ANKRD44: variants seen among roughly 807,000 people sequenced by gnomAD.
ANKRD44 encodes ankyrin repeat domain 44.
In ANKRD44, 35 loss-of-function variants were observed where a neutral mutation model predicts 116.0. The observed-to-expected ratio is 0.30, with a 90% CI of 0.23 to 0.40. The LOEUF is 0.40. Among genes scored for constraint, ANKRD44 ranks in the 10% least tolerant of loss-of-function variants. The pLI is 1.00. For synonymous variants in ANKRD44, 435 were observed against 461.8 expected (o/e 0.94, Z 0.74); for missense variants, 1,014 against 1,242.6 (o/e 0.82, Z 2.77).
At chr2:197,289,578 G>C (rs889945558) in intron 1 of ANKRD44, among the ~76,000 whole-genome samples, 1 of 152,118 alleles carries the variant, frequency 6.6e-6, no homozygotes, top group Admixed American at 6.6e-5. Context: ...AAACATGAAC[G>C]AATCTCAAAA....
intron 21 of ANKRD44, among the ~76,000 whole-genome samples, chr2:196,971,888 G>C (rs2075718249): frequency 6.6e-6 from 1 of 152,140 alleles, no homozygotes. Context: ...TACCCAAGAT[G>C]ATGAAATAGC....
chr2:197,164,138 C>T (rs913395330), intron 2 of ANKRD44, among the ~76,000 whole-genome samples: 9 of 152,232 alleles, frequency 5.9e-5, no homozygotes, highest in African/African-American at 2.2e-4. Context: ...TGTCGCTGGG[C>T]TAGAACCAGA....
In ANKRD44 at chr2:196,988,692, C is replaced by T; in HGVS notation, c.*899G>A. On this transcript the variant is annotated 3_prime_UTR_variant, in exon 28 of 28. Coordinates refer to ENST00000282272, the MANE Select transcript of ANKRD44 (RefSeq NM_001195144.2). The stretch of plus-strand genomic sequence containing the variant: ...CAATTTCCAGGGTGGAAATGGAACT[C>T]ATTATAAAACGTCAGAGAGTACTGC... 1.0e-6 allele frequency: 1 copy of T among 985,366 alleles called. No homozygotes were observed. The highest frequency in any genetic ancestry group is 4.7e-5 in the South Asian group (1 of 21,276). 61.0% of individuals were successfully genotyped at this position (985,366 alleles called of 1,614,324 possible). A position where few individuals can be genotyped will look rare whatever the true frequency, so the allele number is the denominator to read the frequency against.
intron 1 of ANKRD44, among the ~76,000 whole-genome samples, chr2:197,232,398 A>T (rs1304406313): frequency 1.3e-5 from 2 of 152,158 alleles, no homozygotes; most frequent in Non-Finnish European, 2.9e-5. Flanking sequence ...AGAGCCCCTT[A>T]ATGTCATGTC....
At chr2:197,204,607 C>G (rs1194046364) in intron 1 of ANKRD44, among the ~76,000 whole-genome samples, 1 of 152,116 alleles carries the variant, frequency 6.6e-6, no homozygotes, top group Non-Finnish European at 1.5e-5. Flanking sequence ...TTTGAGTTTT[C>G]AAGAGATGCC....
In ANKRD44 at chr2:196,987,365, C is replaced by G. The variant is rs983990999; in HGVS notation, c.*2226G>C. The G allele has an allele frequency of 3.2e-5, 32 of 984,830 alleles. No homozygotes were observed. Among genetic ancestry groups the G allele is most frequent in the Non-Finnish European group, 3.9e-5 (32 of 829,564 alleles). The allele number at this position is 984,830 out of a possible 1,614,324, so 61.0% of individuals were successfully genotyped here. A position where few individuals can be genotyped will look rare whatever the true frequency, so the allele number is the denominator to read the frequency against. ...GGTATCATATTGCTCTGATAACACTCAAATGAAAAAATACAAAACATTCCA... is the reference window on the plus strand; with the variant it reads ...GGTATCATATTGCTCTGATAACACTGAAATGAAAAAATACAAAACATTCCA... On this transcript the variant is annotated 3_prime_UTR_variant, in exon 28 of 28. Coordinates refer to ENST00000282272, the MANE Select transcript of ANKRD44 (RefSeq NM_001195144.2).
At chr2:197,019,281 A>G (rs554010696) in intron 17 of ANKRD44, among the ~76,000 whole-genome samples, 2 of 152,342 alleles carry the variant, frequency 1.3e-5, no homozygotes, top group South Asian at 2.1e-4. Context: ...ATGCATTTCT[A>G]AAATAAATTG....
chr2:197,210,040 G>A (rs1253509500), intron 1 of ANKRD44, among the ~76,000 whole-genome samples: 1 of 152,164 alleles, frequency 6.6e-6, no homozygotes, highest in Non-Finnish European at 1.5e-5. Flanking sequence ...ATTCCTTTGA[G>A]TTAAAGTTTC....
chr2:197,258,886 T>G (rs984524887), intron 1 of ANKRD44, among the ~76,000 whole-genome samples: 5 of 152,352 alleles, frequency 3.3e-5, no homozygotes, highest in Middle Eastern at 6.8e-3. Flanking sequence ...TGTCTTCTTG[T>G]TTTGTTTCAG....
chr2:197,222,019 A>C (rs1240306680), intron 1 of ANKRD44, among the ~76,000 whole-genome samples: 3 of 152,194 alleles, frequency 2.0e-5, no homozygotes, highest in Non-Finnish European at 4.4e-5. Context: ...CCAAAATCCT[A>C]ACATTAAAAT....
At chr2:197,294,095 G>A (rs971017320) in intron 1 of ANKRD44, among the ~76,000 whole-genome samples, 11 of 152,138 alleles carry the variant, frequency 7.2e-5, no homozygotes, top group African/African-American at 2.7e-4. Context: ...TATGAAAAAT[G>A]GGGATTCTAA....
At chr2:197,291,783 C>T (rs1330483431) in intron 1 of ANKRD44, among the ~76,000 whole-genome samples, 1 of 152,138 alleles carries the variant, frequency 6.6e-6, no homozygotes, top group Non-Finnish European at 1.5e-5. Context: ...ATTAACTCGT[C>T]ATTTACATTA....
At chr2:197,090,638 A>G (rs1049624804) in intron 10 of ANKRD44, among the ~76,000 whole-genome samples, 4 of 152,050 alleles carry the variant, frequency 2.6e-5, no homozygotes, top group Admixed American at 1.3e-4. Context: ...TCAAGCTGAA[A>G]AGCCTGAAAC....
chr2:197,042,521 C>G (rs1473668716), intron 16 of ANKRD44, among the ~76,000 whole-genome samples: 1 of 149,700 alleles, frequency 6.7e-6, no homozygotes, highest in African/African-American at 2.5e-5. Context: ...AAAAAAAAAT[C>G]CAAATTTCTT....
chr2:197,274,317 G>C (rs1305653650), intron 1 of ANKRD44, among the ~76,000 whole-genome samples: 1 of 152,120 alleles, frequency 6.6e-6, no homozygotes, highest in Non-Finnish European at 1.5e-5. Flanking sequence ...CTGAGGCACA[G>C]TGAGGGTCTC....
At chr2:197,087,600 C>A (rs1241490189) in intron 12 of ANKRD44, among the ~76,000 whole-genome samples, 2 of 152,314 alleles carry the variant, frequency 1.3e-5, no homozygotes, top group South Asian at 4.1e-4. Context: ...GAAAAATGAT[C>A]TCAATGATAA....
At chr2:197,083,311 C>A in intron 14 of ANKRD44, 58 bp downstream of exon 14, 1 of 1,528,620 alleles carries the variant, frequency 6.5e-7, no homozygotes, top group Non-Finnish European at 8.8e-7. Flanking sequence ...CTTAGCAATC[C>A]TTCCCCACCA....
intron 17 of ANKRD44, among the ~76,000 whole-genome samples, chr2:197,023,914 C>T (rs1331738852): frequency 6.6e-6 from 1 of 152,194 alleles, no homozygotes; most frequent in Non-Finnish European, 1.5e-5. Flanking sequence ...CAGACTGATG[C>T]ACACTTTACC....
At chr2:197,132,226 T>C (rs1211835673) in intron 4 of ANKRD44, among the ~76,000 whole-genome samples, 1 of 152,038 alleles carries the variant, frequency 6.6e-6, no homozygotes, top group Non-Finnish European at 1.5e-5. Flanking sequence ...GGGGAGCAGG[T>C]TGGGGGTAGG....
Sources: gnomAD v4.1 joint callset for allele counts (sites outside exome capture counted in the v4.1 genomes callset) on GRCh38, gnomAD v4.1.1 for gene constraint, MANE v1.5 for transcripts, NCBI Gene and HGNC (gene_info 2026-07-23, HGNC 2026-07-21) for gene names.